The following QSER1 variants were observed in gnomAD, a reference collection of about 807,000 sequenced individuals.
QSER1 encodes glutamine and serine-rich protein 1.
Under a neutral mutation model 158.5 loss-of-function variants are expected in QSER1, and 49 were observed. That is an observed-to-expected ratio of 0.31 (90% CI 0.25 to 0.39). The LOEUF (loss-of-function observed/expected upper bound fraction) is 0.39, where lower values mean the gene tolerates loss of function less well. QSER1 is among the 10% of genes least tolerant of loss of function. QSER1 has a pLI of 1.00. For missense variants in QSER1, 1,754 were observed against 2,010.3 expected (o/e 0.87, Z 2.44); for synonymous variants, 650 against 715.5 (o/e 0.91, Z 1.46).
At chr11:32,939,087 A>G (rs1852193880) in intron 4 of QSER1, among the ~76,000 whole-genome samples, 1 of 152,218 alleles carries the variant, frequency 6.6e-6, no homozygotes, top group East Asian at 1.9e-4. Flanking sequence ...AATGTTTCTG[A>G]ATCTGTATCA....
intron 1 of QSER1, among the ~76,000 whole-genome samples, chr11:32,925,499 TTTATTTATTTA>T (rs753711840): frequency 3.8e-4 from 33 of 85,902 alleles, no homozygotes; most frequent in South Asian, 3.1e-3. Context: ...CGCTTTTTTA[TTTATTTATTTA>T]TTTATTTATT....
intron 4 of QSER1, among the ~76,000 whole-genome samples, chr11:32,951,909 C>T (rs775029279): frequency 4.1e-5 from 6 of 147,604 alleles, no homozygotes; most frequent in Non-Finnish European, 8.9e-5. Context: ...GAGATCGTGG[C>T]TCACTGCAAC....
At chr11:32,894,547 ATCT>A (rs993748352) in intron 1 of QSER1, among the ~76,000 whole-genome samples, 2 of 152,254 alleles carry the variant, frequency 1.3e-5, no homozygotes, top group African/African-American at 2.4e-5. Context: ...GTTCCAGGTT[ATCT>A]TCTTTGTTTT....
rs755712691 is a variant in QSER1, at chr11:32,933,116, C to G, written c.1858C>G (p.Gln620Glu). The G allele has an allele frequency of 3.1e-6, 5 of 1,613,494 alleles. No individual in the cohort carries two copies. In the East Asian group the frequency reaches 8.9e-5, roughly 29 times the overall value. ...AQNLPDSSPT[Q>E]NYISMHSSQN... ...GAATTTGCCAGACTCTAGCCCGACCCAGAATTATATTTCTATGCATTCTTC... is the reference window on the plus strand; with the variant it reads ...GAATTTGCCAGACTCTAGCCCGACCGAGAATTATATTTCTATGCATTCTTC... The change falls in exon 4 of 13, where the codon CAG becomes GAG. Residue 620 changes from glutamine (Q) to glutamate (E), a missense_variant. Physicochemically the swap from Gln to Glu is conservative, Grantham distance 29. This residue lies in a region of QSER1 where 1,707 missense variants were observed against 1,919.6 expected (regional missense o/e 0.89). Coordinates refer to ENST00000650167, the MANE Select transcript of QSER1 (RefSeq NM_001076786.3).
chr11:32,948,791 A>T (rs899101212), intron 4 of QSER1, among the ~76,000 whole-genome samples: 1 of 152,192 alleles, frequency 6.6e-6, no homozygotes, highest in Admixed American at 6.5e-5. Context: ...ATACAAAAGT[A>T]CAGAGATTGG....
intron 1 of QSER1, among the ~76,000 whole-genome samples, chr11:32,917,821 CA>C (rs371007117): frequency 0.033 from 2,675 of 80,858 alleles, 49 homozygotes; most frequent in South Asian, 0.094. Flanking sequence ...GACTCTGTCT[CA>C]AAAAAAAAAA....
In QSER1 at chr11:32,976,565, C is replaced by T; in HGVS notation, c.*91C>T. The T allele has an allele frequency of 7.1e-7, 1 of 1,405,964 alleles. No individual in the cohort carries two copies. The highest frequency in any genetic ancestry group is 9.9e-7 in the Non-Finnish European group (1 of 1,014,528). 87.1% of individuals were successfully genotyped at this position (1,405,964 alleles called of 1,614,324 possible). On this transcript the variant is annotated 3_prime_UTR_variant, in exon 13 of 13. Coordinates refer to ENST00000650167, the MANE Select transcript of QSER1 (RefSeq NM_001076786.3). Reference sequence around the variant, plus strand: ...TAATCAGATGTCAAGTAGTGGCCTTCTGCAGGCCGGCCGCTTCCATCATGG... The same window carrying T: ...TAATCAGATGTCAAGTAGTGGCCTTTTGCAGGCCGGCCGCTTCCATCATGG...
chr11:32,896,589 A>G (rs1851558528), intron 1 of QSER1, among the ~76,000 whole-genome samples: 1 of 152,082 alleles, frequency 6.6e-6, no homozygotes, highest in South Asian at 2.1e-4. Flanking sequence ...GGGTTTCACT[A>G]CATTGGCCAG....
At chr11:32,905,935 A>C (rs996995879) in intron 1 of QSER1, among the ~76,000 whole-genome samples, 1 of 152,120 alleles carries the variant, frequency 6.6e-6, no homozygotes, top group African/African-American at 2.4e-5. Context: ...ACATTTGATT[A>C]ATATGTTATA....
rs372319291 is a variant in QSER1, at chr11:32,934,872, C to G, written c.3614C>G (p.Ala1205Gly). 6.2e-7 allele frequency: 1 copy of G among 1,613,774 alleles called. No homozygotes were observed. Among genetic ancestry groups the G allele is most frequent in the African/African-American group, 1.3e-5 (1 of 74,858 alleles). ...LMHFNLQKKR[A>G]KGKGQVKEED... Reference sequence around the variant, plus strand: ...CATTTTAACCTTCAAAAGAAAAGAGCTAAAGGAAAAGGGCAAGTTAAAGAG... The same window carrying G: ...CATTTTAACCTTCAAAAGAAAAGAGGTAAAGGAAAAGGGCAAGTTAAAGAG... Residue 1205 changes from alanine to glycine, a missense_variant, in exon 4 of 13, where the codon GCT becomes GGT. Transcript: ENST00000650167.
At chr11:32,922,081 T>C (rs1851906371) in intron 1 of QSER1, among the ~76,000 whole-genome samples, 1 of 152,126 alleles carries the variant, frequency 6.6e-6, no homozygotes, top group South Asian at 2.1e-4. Context: ...TTACACCACG[T>C]ATAAAAAATT....
chr11:32,914,622 G>GT (rs1407136947), intron 1 of QSER1, among the ~76,000 whole-genome samples: 1 of 152,152 alleles, frequency 6.6e-6, no homozygotes, highest in African/African-American at 2.4e-5. Context: ...CCTGGAATGT[G>GT]TTTTATTTCT....
rs1853041406 is a variant in QSER1, at chr11:32,979,843, T to C, written c.*3369T>C. 6.6e-6 allele frequency: 1 copy of C among 152,208 alleles called. No individual in the cohort carries two copies. The highest frequency in any genetic ancestry group is 6.5e-5 in the Admixed American group (1 of 15,288). 9.4% of individuals were successfully genotyped at this position (152,208 alleles called of 1,614,324 possible). A position where few individuals can be genotyped will look rare whatever the true frequency, so the allele number is the denominator to read the frequency against. On this transcript the variant is annotated 3_prime_UTR_variant, in exon 13 of 13. Coordinates refer to ENST00000650167, the MANE Select transcript of QSER1 (RefSeq NM_001076786.3). ...GGGTTATTGAAGCAGCTTTCTCAAA[T>C]GTTGCTTCAGATGTGCAAGTTGCAA...
At chr11:32,927,699 G>C (rs965557858) in intron 2 of QSER1, among the ~76,000 whole-genome samples, 11 of 152,088 alleles carry the variant, frequency 7.2e-5, no homozygotes, top group African/African-American at 2.7e-4. Context: ...GAGCCGCCAC[G>C]CCCGACCAAA....
chr11:32,975,140 T>A (rs1474095597), intron 11 of QSER1, 108 bp from the exon 12 acceptor site: 2 of 650,154 alleles, frequency 3.1e-6, no homozygotes, highest in Admixed American at 6.5e-5. Flanking sequence ...TACCCATATA[T>A]GTCATTTTCA....
At chr11:32,960,859 G>A (rs1274641484) in intron 8 of QSER1, among the ~76,000 whole-genome samples, 1 of 152,118 alleles carries the variant, frequency 6.6e-6, no homozygotes, top group Non-Finnish European at 1.5e-5. Flanking sequence ...GTTCTCTTAA[G>A]AAGTCAAATA....
At chr11:32,935,564 G>T (rs890481186) in intron 4 of QSER1, 129 bp downstream of exon 4, 2 of 654,902 alleles carry the variant, frequency 3.1e-6, no homozygotes. Flanking sequence ...GTATAGGTAG[G>T]TATCTTAAGG....
Position 32,937,307 on chromosome 11 carries a change from CAG to C in QSER1, c.4177+1875_4177+1876del, listed in dbSNP as rs559280846. On this transcript the variant is annotated intron_variant, in intron 4 of 12. Coordinates refer to ENST00000650167, the MANE Select transcript of QSER1 (RefSeq NM_001076786.3). ...TTTCTTTTTTTATTATTTTAAGAGACAGAGTCTTGCTCTGTCACCCAGGCTGG... is the reference window on the plus strand; with the variant it reads ...TTTCTTTTTTTATTATTTTAAGAGACAGTCTTGCTCTGTCACCCAGGCTGG... Among the ~76,000 whole-genome samples the C allele has an allele frequency of 1.0e-3, 152 of 152,140 alleles. 1 individual carries two copies. Among genetic ancestry groups the C allele is most frequent in the Admixed American group, 9.5e-3 (145 of 15,266 alleles).
At chr11:32,942,260 T>G (rs1163874872) in intron 4 of QSER1, among the ~76,000 whole-genome samples, 8 of 141,388 alleles carry the variant, frequency 5.7e-5, no homozygotes, top group Admixed American at 2.2e-4. Context: ...GTCAATTTTG[T>G]CTTTTGTTGC....
Sources: gnomAD v4.1 joint callset for allele counts (sites outside exome capture counted in the v4.1 genomes callset) on GRCh38, gnomAD v4.1.1 for gene constraint, gnomAD v4.1.1 regional missense constraint, MANE v1.5 for transcripts, NCBI Gene and HGNC (gene_info 2026-07-23, HGNC 2026-07-21) for gene names.